The following UQCR10 variants were observed in gnomAD, a reference collection of about 807,000 sequenced individuals.
The protein encoded by UQCR10 is ubiquinol-cytochrome c reductase, complex III subunit X, also known as cytochrome b-c1 complex subunit 9.
UQCR10 carries 5 observed loss-of-function variants against 6.0 expected under a neutral mutation model. The ratio of observed to expected loss-of-function variants is 0.83; its 90% CI spans 0.43 to 1.74. The LOEUF (loss-of-function observed/expected upper bound fraction) is 1.74, where lower values mean the gene tolerates loss of function less well. Ranked by LOEUF, UQCR10 falls within the 40% of genes most tolerant of loss-of-function variation. The pLI is 0.02. For missense variants in UQCR10, 101 were observed against 85.1 expected (o/e 1.19, Z -0.74); for synonymous variants, 40 against 37.4 (o/e 1.07, Z -0.26).
intron 1 of UQCR10, 54 bp from the exon 2 acceptor site, chr22:29,769,624 G>A: frequency 1.3e-6 from 2 of 1,566,164 alleles, no homozygotes; most frequent in Non-Finnish European, 1.7e-6. Context: ...GGGAGTAGTT[G>A]TAAAATGTGA....
intron 1 of UQCR10, among the ~76,000 whole-genome samples, chr22:29,768,372 G>A (rs2147245442): frequency 6.6e-6 from 1 of 152,280 alleles, no homozygotes; most frequent in South Asian, 2.1e-4. Context: ...TGACTGTGCT[G>A]GAGTAGGCCT....
In UQCR10 at chr22:29,767,411, A is replaced by G. The variant is rs750397254; in HGVS notation, c.13A>G (p.Thr5Ala). ...ACTGTGAAGAAACATGGCGGCCGCG[A>G]CGTTGACTTCGAAATTGTACTCCCT... Reference protein sequence around the residue: MAAATLTSKLYSLLF... With the variant: MAAAALTSKLYSLLF... Residue 5 changes from threonine (T) to alanine (A), a missense_variant, in exon 1 of 2, where the codon ACG becomes GCG. Coordinates refer to ENST00000330029, the MANE Select transcript of UQCR10 (RefSeq NM_013387.4). 12 of 1,612,956 alleles carry G rather than the reference A, an allele frequency of 7.4e-6. No individual in the cohort carries two copies. The Admixed American group carries it at 8.3e-5, about 11-fold the overall frequency.
rs2068253341 is a variant in UQCR10, at chr22:29,770,120, T to C, written c.*401T>C. On this transcript the variant is annotated 3_prime_UTR_variant, in exon 2 of 2. Transcript: ENST00000330029. ...AAACAGGAGCCAGAGTTGGAGATAT[T>C]ACAGTCAACTTTGGCTTCTAAGCCA... 1.1e-5 allele frequency: 4 copies of C among 367,034 alleles called. No homozygotes were observed. The Admixed American group carries it at 1.5e-4, about 14-fold the overall frequency. The allele number at this position is 367,034 out of a possible 1,614,324, so 22.7% of individuals were successfully genotyped here. A position where few individuals can be genotyped will look rare whatever the true frequency, so the allele number is the denominator to read the frequency against.
In UQCR10 at chr22:29,769,660, C is replaced by G; in HGVS notation, c.151-18C>G. 1.4e-6 allele frequency: 2 copies of G among 1,410,288 alleles called. No homozygotes were observed. Among genetic ancestry groups the G allele is most frequent in the Non-Finnish European group, 2.0e-6 (2 of 1,011,458 alleles). The allele number at this position is 1,410,288 out of a possible 1,614,324, so 87.4% of individuals were successfully genotyped here. The stretch of plus-strand genomic sequence containing the variant: ...GAGGCAAAGGTCAAAGTTTGTGGCT[C>G]TTGTCTTTAAAATGCAGAAGCTGTG... On this transcript the variant is annotated intron_variant, in intron 1 of 1. Coordinates refer to ENST00000330029, the MANE Select transcript of UQCR10 (RefSeq NM_013387.4).
chr22:29,769,021 T>A (rs772371981), intron 1 of UQCR10, among the ~76,000 whole-genome samples: 1 of 152,204 alleles, frequency 6.6e-6, no homozygotes, highest in African/African-American at 2.4e-5. Flanking sequence ...TACGCACTTA[T>A]AATCTCTTCA....
intron 1 of UQCR10, 127 bp downstream of exon 1, chr22:29,767,675 T>G (rs1425143830): frequency 2.9e-6 from 4 of 1,366,950 alleles, no homozygotes; most frequent in Non-Finnish European, 3.9e-6. Flanking sequence ...GTCTTCTGTC[T>G]CGAGTCCGCC....
intron 1 of UQCR10, among the ~76,000 whole-genome samples, chr22:29,768,413 T>C (rs2068239627): frequency 6.6e-6 from 1 of 152,126 alleles, no homozygotes; most frequent in African/African-American, 2.4e-5. Context: ...ACCACTCACT[T>C]GTGTTTTTAA....
intron 1 of UQCR10, among the ~76,000 whole-genome samples, chr22:29,768,685 G>A (rs1224834926): frequency 6.6e-6 from 1 of 151,768 alleles, no homozygotes; most frequent in Non-Finnish European, 1.5e-5. Flanking sequence ...GGAGTGCAGT[G>A]GCATGATCAC....
Position 29,767,513 on chromosome 22 carries a change from G to T in UQCR10, c.115G>T (p.Gly39Cys). Residue 39 changes from glycine (G) to cysteine (C), a missense_variant, in exon 1 of 2, where the codon GGC becomes TGC. By Grantham distance (159) the Gly-to-Cys change is radical. Coordinates refer to ENST00000330029, the MANE Select transcript of UQCR10 (RefSeq NM_013387.4). ...GTTCTTCGAGCGCGCCTTCGATCAA[G>T]GCGCGGACGCTATCTACGACCACAT... Reference protein sequence around the residue: ...VMFFERAFDQGADAIYDHINE... With the variant: ...VMFFERAFDQCADAIYDHINE... 6.2e-7 allele frequency: 1 copy of T among 1,614,018 alleles called. No individual in the cohort carries two copies. Among genetic ancestry groups the T allele is most frequent in the South Asian group, 1.1e-5 (1 of 91,084 alleles).
rs2068254102 is a variant in UQCR10 at position 29,770,227 on chromosome 22, G to A, written c.*508G>A. ...AGCTGGGGGAAAGACCCTGGCCTAG[G>A]GGTCTTAGCCACTCCCCACCCTAGG... On this transcript the variant is annotated 3_prime_UTR_variant, in exon 2 of 2. Coordinates refer to ENST00000330029, the MANE Select transcript of UQCR10 (RefSeq NM_013387.4). 2.9e-6 allele frequency: 1 copy of A among 349,810 alleles called. No individual in the cohort carries two copies. The highest frequency in any genetic ancestry group is 5.6e-6 in the Non-Finnish European group (1 of 178,014). The allele number at this position is 349,810 out of a possible 1,614,324, so 21.7% of individuals were successfully genotyped here.
Position 29,769,709 on chromosome 22 carries a change from A to G in UQCR10, c.182A>G (p.Glu61Gly). 6.2e-7 allele frequency: 1 copy of G among 1,609,112 alleles called. No individual in the cohort carries two copies. Among genetic ancestry groups the G allele is most frequent in the Non-Finnish European group, 8.5e-7 (1 of 1,177,874 alleles). The change falls in exon 2 of 2, where the codon GAG (glutamate) becomes GGG (glycine). Residue 61 changes from glutamate to glycine, a missense_variant. Coordinates refer to ENST00000330029, the MANE Select transcript of UQCR10 (RefSeq NM_013387.4). The part of the protein sequence containing the change: ...KLWKHIKHKY[E>G]NK Reference sequence around the variant, plus strand: ...TGGAAACACATCAAGCACAAGTATGAGAACAAGTAGTTCCTTGGAGGCCCC... The same window carrying G: ...TGGAAACACATCAAGCACAAGTATGGGAACAAGTAGTTCCTTGGAGGCCCC...
In UQCR10 at chr22:29,767,479, G is replaced by T. The variant is rs1259086861; in HGVS notation, c.81G>T (p.Val27=). The T allele has an allele frequency of 4.3e-6, 7 of 1,613,880 alleles. No individual in the cohort carries two copies. The highest frequency in any genetic ancestry group is 5.9e-6 in the Non-Finnish European group (7 of 1,179,890). The stretch of plus-strand genomic sequence containing the variant: ...CCACCTTCGCCCTCACCATCATCGT[G>T]GGCGTCATGTTCTTCGAGCGCGCCT... ...RTSTFALTII[V]GVMFFERAFD... The change falls in exon 1 of 2, where the codon GTG becomes GTT. Residue 27 remains valine (V), a synonymous_variant. Coordinates refer to ENST00000330029, the MANE Select transcript of UQCR10 (RefSeq NM_013387.4).
intron 1 of UQCR10, among the ~76,000 whole-genome samples, chr22:29,768,361 A>G (rs994572627): frequency 6.6e-6 from 1 of 152,188 alleles, no homozygotes; most frequent in Non-Finnish European, 1.5e-5. Context: ...TCGCTAAATT[A>G]TGACTGTGCT....
At chr22:29,767,751 G>GT in intron 1 of UQCR10, 7 of 845,900 alleles carry the variant, frequency 8.3e-6, no homozygotes, top group Non-Finnish European at 1.2e-5. Context: ...TCATTTTGCA[G>GT]GGGTTGTAAG....
chr22:29,769,653 T>A, intron 1 of UQCR10, 25 bp from the exon 2 acceptor site: 1 of 1,600,810 alleles, frequency 6.2e-7, no homozygotes, highest in Non-Finnish European at 8.5e-7. Context: ...GGTCAAAGTT[T>A]GTGGCTCTTG....
In UQCR10 at chr22:29,767,426, T is replaced by C. The variant is rs770281965; in HGVS notation, c.28T>C (p.Leu10=). MAAATLTSK[L]YSLLFRRTST... ...GGCGGCCGCGACGTTGACTTCGAAA[T>C]TGTACTCCCTGCTGTTCCGCAGGAC... is the stretch of plus-strand genomic sequence containing the variant. The change falls in exon 1 of 2, where the codon TTG becomes CTG. Residue 10 remains leucine (L), a synonymous_variant. Transcript: ENST00000330029. 7 of 1,613,448 alleles carry C rather than the reference T, an allele frequency of 4.3e-6. No homozygotes were observed. In the African/African-American group the frequency reaches 5.3e-5, roughly 12 times the overall value.
rs759671483 is a variant in UQCR10 at position 29,769,690 on chromosome 22, C to CA, written c.164dup (p.His55GlnfsTer7). On this transcript the variant is annotated frameshift_variant, in exon 2 of 2. Coordinates refer to ENST00000330029, the MANE Select transcript of UQCR10 (RefSeq NM_013387.4). LOFTEE classifies it high-confidence loss of function. ...CTTTAAAATGCAGAAGCTGTGGAAA[C>CA]ACATCAAGCACAAGTATGAGAACAA... 2 of 1,609,334 alleles carry CA rather than the reference C, an allele frequency of 1.2e-6. No homozygotes were observed. The highest frequency in any genetic ancestry group is 1.7e-6 in the Non-Finnish European group (2 of 1,178,018).
Position 29,767,417 on chromosome 22 carries a change from A to G in UQCR10, c.19A>G (p.Thr7Ala). The change falls in exon 1 of 2, where the codon ACT (threonine) becomes GCT (alanine). Residue 7 changes from threonine (T) to alanine (A), a missense_variant. Thr to Ala is a moderately conservative substitution (Grantham distance 58). Transcript: ENST00000330029. MAAATL[T>A]SKLYSLLFRR... ...AAGAAACATGGCGGCCGCGACGTTGACTTCGAAATTGTACTCCCTGCTGTT... is the reference window on the plus strand; with the variant it reads ...AAGAAACATGGCGGCCGCGACGTTGGCTTCGAAATTGTACTCCCTGCTGTT... 6.2e-7 allele frequency: 1 copy of G among 1,613,152 alleles called. No homozygotes were observed. The highest frequency in any genetic ancestry group is 1.1e-5 in the South Asian group (1 of 91,052).
Position 29,769,742 on chromosome 22 carries a change from G to A in UQCR10, c.*23G>A. The A allele has an allele frequency of 1.2e-6, 2 of 1,602,458 alleles. No individual in the cohort carries two copies. Among genetic ancestry groups the A allele is most frequent in the Non-Finnish European group, 1.7e-6 (2 of 1,174,744 alleles). Reference sequence around the variant, plus strand: ...TAGTTCCTTGGAGGCCCCCATCCAGGCCAGAAGGACCAGGTCCACCCAGCA... The same window carrying A: ...TAGTTCCTTGGAGGCCCCCATCCAGACCAGAAGGACCAGGTCCACCCAGCA... On this transcript the variant is annotated 3_prime_UTR_variant, in exon 2 of 2. Transcript: ENST00000330029.
Sources: allele counts gnomAD v4.1 joint callset (sites outside exome capture counted in the v4.1 genomes callset), GRCh38; gene constraint gnomAD v4.1.1; transcripts MANE v1.5; gene names NCBI Gene and HGNC (gene_info 2026-07-23, HGNC 2026-07-21).